Variants in SH3GL3 observed in about 807,000 individuals in gnomAD.
SH3GL3 encodes SH3 domain containing GRB2 like 3, endophilin A3, also known as endophilin-A3.
In SH3GL3, 33 loss-of-function variants were observed where a neutral mutation model predicts 47.7. The ratio of observed to expected loss-of-function variants is 0.69; its 90% confidence interval spans 0.52 to 0.92. The LOEUF (loss-of-function observed/expected upper bound fraction) is 0.92. Ranked by LOEUF, SH3GL3 falls within the 40% of genes least tolerant of loss-of-function variation. The pLI, the probability that SH3GL3 is intolerant of heterozygous loss-of-function variation, is 0.00. For missense variants in SH3GL3, 363 were observed against 417.8 expected (o/e 0.87, Z 1.14); for synonymous variants, 155 against 148.8 (o/e 1.04, Z -0.30).
chr15:83,603,795 A>G (rs2060447651), intron 8 of SH3GL3, among the ~76,000 whole-genome samples: 1 of 152,348 alleles, frequency 6.6e-6, no homozygotes, highest in African/African-American at 2.4e-5. Flanking sequence ...TTTAAGAGTT[A>G]TTATAGGCAA....
intron 1 of SH3GL3, among the ~76,000 whole-genome samples, chr15:83,554,136 T>C (rs778181047): frequency 6.6e-6 from 1 of 151,204 alleles, no homozygotes; most frequent in Non-Finnish European, 1.5e-5. Flanking sequence ...TCTTCCATTC[T>C]CCCACCTCAG....
intron 1 of SH3GL3, among the ~76,000 whole-genome samples, chr15:83,546,282 C>G (rs78162031): frequency 0.035 from 5,256 of 151,844 alleles, 305 homozygotes; most frequent in African/African-American, 0.12. Flanking sequence ...TTTCCTCAAG[C>G]AGAAGGAGTC....
chr15:83,533,084 G>A (rs140604648), intron 1 of SH3GL3, among the ~76,000 whole-genome samples: 5 of 152,270 alleles, frequency 3.3e-5, no homozygotes, highest in Admixed American at 6.5e-5. Flanking sequence ...TTTATTGAGT[G>A]GCCAGCTAAC....
intron 1 of SH3GL3, among the ~76,000 whole-genome samples, chr15:83,496,503 T>A (rs953910947): frequency 6.6e-6 from 1 of 152,178 alleles, no homozygotes; most frequent in African/African-American, 2.4e-5. Context: ...AGAGTGGATA[T>A]ATATAGCCCT....
chr15:83,541,312 ATTTTTTTTTTTTTTTTTTTTTTT>A (rs71156085), intron 1 of SH3GL3, among the ~76,000 whole-genome samples: 42 of 47,364 alleles, frequency 8.9e-4, no homozygotes, highest in South Asian at 4.3e-3. Flanking sequence ...TGGTAATTCT[ATTTTTTTTTTTTTTTTTTTTTTT>A]TTTTTTTTTT....
chr15:83,509,912 G>A (rs2042674270), intron 1 of SH3GL3, among the ~76,000 whole-genome samples: 1 of 152,058 alleles, frequency 6.6e-6, no homozygotes, highest in Non-Finnish European at 1.5e-5. Context: ...AAATATGTTT[G>A]GTGTGGAGTT....
At chr15:83,594,245 C>A (rs552246269) in intron 8 of SH3GL3, among the ~76,000 whole-genome samples, 16 of 152,130 alleles carry the variant, frequency 1.1e-4, no homozygotes, top group African/African-American at 3.6e-4. Context: ...TTGAGATGAT[C>A]GTTTATTTTT....
At chr15:83,510,571 G>T (rs1317434064) in intron 1 of SH3GL3, among the ~76,000 whole-genome samples, 1 of 151,994 alleles carries the variant, frequency 6.6e-6, no homozygotes, top group Non-Finnish European at 1.5e-5. Flanking sequence ...TTATTCCCTT[G>T]TCCCACATAA....
the SH3GL3 span, among the ~76,000 whole-genome samples, chr15:83,627,346 G>A: frequency 6.7e-6 from 1 of 148,742 alleles, no homozygotes; most frequent in African/African-American, 2.5e-5. Flanking sequence ...GCAGTGAGCC[G>A]AGATTGCGCC....
intron 7 of SH3GL3, among the ~76,000 whole-genome samples, chr15:83,588,432 GTCT>G (rs1334562167): frequency 1.3e-5 from 2 of 152,148 alleles, no homozygotes; most frequent in Non-Finnish European, 2.9e-5. Flanking sequence ...GGCCCAATTA[GTCT>G]TCTTCAAGAT....
chr15:83,476,092 A>G (rs2041081816), intron 1 of SH3GL3, among the ~76,000 whole-genome samples: 1 of 152,244 alleles, frequency 6.6e-6, no homozygotes, highest in African/African-American at 2.4e-5. Context: ...AAAAAATAGT[A>G]TAAACAGTCA....
At chr15:83,553,218 A>G (rs569347566) in intron 1 of SH3GL3, among the ~76,000 whole-genome samples, 5 of 152,292 alleles carry the variant, frequency 3.3e-5, no homozygotes, top group African/African-American at 1.2e-4. Context: ...TCTCAAAAAA[A>G]CAAAAAACAA....
At chr15:83,587,570 T>G (rs965232722) in intron 7 of SH3GL3, among the ~76,000 whole-genome samples, 1 of 147,132 alleles carries the variant, frequency 6.8e-6, no homozygotes, top group Non-Finnish European at 1.5e-5. Context: ...ACTTCACCAG[T>G]ACGAATTTCA....
intron 8 of SH3GL3, among the ~76,000 whole-genome samples, chr15:83,615,607 C>T (rs555889559): frequency 2.4e-4 from 36 of 152,180 alleles, no homozygotes; most frequent in Admixed American, 1.6e-3. Flanking sequence ...CCACCACACC[C>T]GGCCTGTTAA....
intron 1 of SH3GL3, among the ~76,000 whole-genome samples, chr15:83,482,260 T>C (rs905378825): frequency 6.6e-6 from 1 of 152,252 alleles, no homozygotes; most frequent in African/African-American, 2.4e-5. Context: ...TGTAATGGTT[T>C]ATTTAGCTGA....
In SH3GL3 at chr15:83,447,592, GAGGAGGGA is replaced by G; in HGVS notation, c.45+23_45+30del. 6.7e-7 allele frequency: 1 copy of G among 1,497,082 alleles called. No individual in the cohort carries two copies. Among genetic ancestry groups the G allele is most frequent in the Non-Finnish European group, 8.9e-7 (1 of 1,119,076 alleles). The allele number at this position is 1,497,082 out of a possible 1,614,324, so 92.7% of individuals were successfully genotyped here. A position where few individuals can be genotyped will look rare whatever the true frequency, so the allele number is the denominator to read the frequency against. ...AAAGCCAGCCAGGTAGGGAGGCGCA[GAGGAGGGA>G]AGGAGGGAGGGGGACGCGGAGGCTG... On this transcript the variant is annotated intron_variant, in intron 1 of 8. Transcript: ENST00000427482. The surrounding 1 kb of genome is among the most constrained non-coding windows in gnomAD (Gnocchi z 5.1).
intron 1 of SH3GL3, among the ~76,000 whole-genome samples, chr15:83,487,440 C>T (rs2041654242): frequency 6.6e-6 from 1 of 152,000 alleles, no homozygotes; most frequent in South Asian, 2.1e-4. Context: ...TTTGCCTCTT[C>T]TGTTTGGTAT....
At chr15:83,500,356 G>A (rs568434043) in intron 1 of SH3GL3, among the ~76,000 whole-genome samples, 8 of 152,322 alleles carry the variant, frequency 5.3e-5, no homozygotes, top group African/African-American at 1.9e-4. Flanking sequence ...GGCATTTTTA[G>A]GTGTGTGTTT....
chr15:83,605,019 T>C (rs766198806), intron 8 of SH3GL3, among the ~76,000 whole-genome samples: 2 of 152,220 alleles, frequency 1.3e-5, no homozygotes, highest in African/African-American at 4.8e-5. Context: ...GGCTTCCTCA[T>C]TGAGGCCACG....
Sources: allele counts gnomAD v4.1 joint callset (sites outside exome capture counted in the v4.1 genomes callset), GRCh38; gene constraint gnomAD v4.1.1; non-coding constraint Gnocchi (gnomAD v3.1); transcripts MANE v1.5; gene names NCBI Gene and HGNC (gene_info 2026-07-23, HGNC 2026-07-21).